SNTB1: variants seen among roughly 807,000 people sequenced by gnomAD.
SNTB1 encodes the protein beta-1-syntrophin.
SNTB1 carries 36 observed loss-of-function variants against 48.9 expected under a neutral mutation model. That is an observed-to-expected ratio of 0.74 (90% CI 0.56 to 0.97). The LOEUF (loss-of-function observed/expected upper bound fraction) is 0.97, where lower values mean the gene tolerates loss of function less well. Among genes scored for constraint, SNTB1 ranks in the 50% least tolerant of loss-of-function variants. The pLI is 0.00. For synonymous variants in SNTB1, 299 were observed against 294.6 expected, an observed-to-expected ratio of 1.01 and a Z score of -0.15; for missense variants, 786 against 703.4, an observed-to-expected ratio of 1.12 and a Z score of -1.33.
intron 4 of SNTB1, among the ~76,000 whole-genome samples, chr8:120,568,102 T>TA (rs1295403485): frequency 6.6e-6 from 1 of 152,128 alleles, no homozygotes; most frequent in Non-Finnish European, 1.5e-5. Flanking sequence ...AGTGCTGGGG[T>TA]AACCTCTGCA....
chr8:120,671,060 T>C (rs1339052631), intron 2 of SNTB1, among the ~76,000 whole-genome samples: 2 of 152,230 alleles, frequency 1.3e-5, no homozygotes, highest in East Asian at 1.9e-4. Flanking sequence ...ACTTCCCCAA[T>C]GATTACACTT....
chr8:120,602,851 G>A (rs981918333), intron 3 of SNTB1, among the ~76,000 whole-genome samples: 1 of 151,296 alleles, frequency 6.6e-6, no homozygotes, highest in African/African-American at 2.4e-5. Flanking sequence ...TCAATTCTGT[G>A]TATAAGCTAT....
intron 4 of SNTB1, chr8:120,570,205 A>G (rs1194895416): frequency 1.3e-5 from 2 of 152,214 alleles, no homozygotes; most frequent in Non-Finnish European, 2.9e-5. Flanking sequence ...CTCTTCCTGT[A>G]GCTAAGTACT....
intron 2 of SNTB1, 58 bp downstream of exon 2, chr8:120,693,634 T>C: frequency 1.4e-6 from 2 of 1,477,594 alleles, no homozygotes; most frequent in Non-Finnish European, 1.9e-6. Context: ...AAAGCCCCCA[T>C]TTAGCCTGAG....
intron 3 of SNTB1, among the ~76,000 whole-genome samples, chr8:120,595,461 AG>A (rs200626649): frequency 0.034 from 5,221 of 152,204 alleles, 145 homozygotes; most frequent in African/African-American, 0.07. Flanking sequence ...ATGGTCTAAA[AG>A]GGGGAGGCAT....
chr8:120,671,767 T>C (rs1034098512), intron 2 of SNTB1, among the ~76,000 whole-genome samples: 1 of 152,228 alleles, frequency 6.6e-6, no homozygotes, highest in Non-Finnish European at 1.5e-5. Context: ...GGGAAATAAT[T>C]ACTGTCTTAA....
At chr8:120,737,045 G>T (rs934415963) in intron 1 of SNTB1, among the ~76,000 whole-genome samples, 1 of 152,152 alleles carries the variant, frequency 6.6e-6, no homozygotes, top group Non-Finnish European at 1.5e-5. Flanking sequence ...TAGCATGATG[G>T]AGCGGCAGTC....
intron 2 of SNTB1, among the ~76,000 whole-genome samples, chr8:120,647,668 G>A (rs1817323742): frequency 7.8e-6 from 1 of 127,748 alleles, no homozygotes; most frequent in Admixed American, 8.1e-5. Flanking sequence ...GAGTTCTGTA[G>A]ATGTCTATTA....
chr8:120,587,413 C>T (rs1315932621), intron 3 of SNTB1, among the ~76,000 whole-genome samples: 4 of 152,216 alleles, frequency 2.6e-5, no homozygotes, highest in African/African-American at 9.6e-5. Flanking sequence ...ACCCACTACC[C>T]ATTCCCCACT....
intron 2 of SNTB1, among the ~76,000 whole-genome samples, chr8:120,675,847 T>C (rs1342704866): frequency 1.3e-5 from 2 of 152,210 alleles, no homozygotes; most frequent in Non-Finnish European, 2.9e-5. Context: ...TTAGAAGAGA[T>C]GAGAATTAGC....
intron 4 of SNTB1, among the ~76,000 whole-genome samples, chr8:120,554,145 C>T (rs1178787790): frequency 6.6e-6 from 1 of 152,156 alleles, no homozygotes; most frequent in African/African-American, 2.4e-5. Flanking sequence ...CACATTCTCC[C>T]CATGAGTGCC....
chr8:120,785,284 G>C (rs2130138477), intron 1 of SNTB1, among the ~76,000 whole-genome samples: 1 of 152,296 alleles, frequency 6.6e-6, no homozygotes, highest in Middle Eastern at 3.4e-3. Context: ...GACCAGGAGG[G>C]GTATGGCCTG....
intron 2 of SNTB1, among the ~76,000 whole-genome samples, chr8:120,660,153 A>C (rs1284580036): frequency 1.3e-5 from 2 of 152,208 alleles, no homozygotes; most frequent in Non-Finnish European, 2.9e-5. Flanking sequence ...AAAGTTACGA[A>C]CTATATTAGC....
At chr8:120,590,086 T>C (rs1030764398) in intron 3 of SNTB1, among the ~76,000 whole-genome samples, 9 of 152,206 alleles carry the variant, frequency 5.9e-5, no homozygotes, top group African/African-American at 1.7e-4. Flanking sequence ...CACATTCCTA[T>C]GGACAGGCTC....
chr8:120,651,572 G>T (rs1265843935), intron 2 of SNTB1, among the ~76,000 whole-genome samples: 1 of 152,118 alleles, frequency 6.6e-6, no homozygotes, highest in African/African-American at 2.4e-5. Context: ...TTTTTAGTAG[G>T]TTTTTGCTGA....
At chr8:120,779,943 C>T (rs1161558567) in intron 1 of SNTB1, among the ~76,000 whole-genome samples, 1 of 151,958 alleles carries the variant, frequency 6.6e-6, no homozygotes, top group African/African-American at 2.4e-5. Flanking sequence ...ATAATATATC[C>T]ACGTAGGGCT....
intron 3 of SNTB1, among the ~76,000 whole-genome samples, chr8:120,620,777 G>T (rs1278714511): frequency 5.3e-5 from 8 of 150,154 alleles, no homozygotes; most frequent in African/African-American, 1.7e-4. Flanking sequence ...CTGAAACTTT[G>T]TAAAATACAC....
intron 1 of SNTB1, among the ~76,000 whole-genome samples, chr8:120,774,103 A>G (rs1054918795): frequency 1.2e-4 from 19 of 152,272 alleles, no homozygotes; most frequent in African/African-American, 4.3e-4. Context: ...TGTTCCTTCC[A>G]GTAAATCAAA....
intron 2 of SNTB1, among the ~76,000 whole-genome samples, chr8:120,652,214 A>T (rs940529257): frequency 6.6e-6 from 1 of 152,158 alleles, no homozygotes; most frequent in African/African-American, 2.4e-5. Context: ...TGCCATTTCC[A>T]TACCCTGCTT....
Sources: allele counts gnomAD v4.1 joint callset (sites outside exome capture counted in the v4.1 genomes callset), GRCh38; gene constraint gnomAD v4.1.1; transcripts MANE v1.5; gene names NCBI Gene and HGNC (gene_info 2026-07-23, HGNC 2026-07-21).